The following FNDC7 variants were observed in gnomAD, a reference collection of about 807,000 sequenced individuals.
The protein encoded by FNDC7 is fibronectin type III domain-containing protein 7.
FNDC7 carries 66 observed loss-of-function variants against 74.2 expected under a neutral mutation model. The observed-to-expected ratio is 0.89, with a 90% CI of 0.73 to 1.09. The LOEUF is 1.09. Among genes scored for constraint, FNDC7 ranks in the 50% least tolerant of loss-of-function variants. The pLI is 0.00. For missense variants in FNDC7, 829 were observed against 893.4 expected (o/e 0.93, Z 0.92); for synonymous variants, 307 against 330.2 (o/e 0.93, Z 0.76).
intron 8 of FNDC7, 86 bp downstream of exon 8, chr1:108,728,972 C>A (rs1394037843): frequency 1.3e-6 from 2 of 1,490,354 alleles, no homozygotes; most frequent in Admixed American, 1.9e-5. Context: ...ATTTAATCTA[C>A]CCTCAGTGCA....
At chr1:108,716,828 C>G (rs751772073) in intron 2 of FNDC7, among the ~76,000 whole-genome samples, 9 of 152,044 alleles carry the variant, frequency 5.9e-5, no homozygotes, top group Non-Finnish European at 1.2e-4. Flanking sequence ...TGATTTTACC[C>G]AGCAAGTGGA....
At chr1:108,714,716 T>C (rs972493142) in intron 2 of FNDC7, among the ~76,000 whole-genome samples, 5 of 149,040 alleles carry the variant, frequency 3.4e-5, no homozygotes, top group Admixed American at 1.4e-4. Flanking sequence ...GCCATTCTCC[T>C]GCCTCAGCCT....
intron 6 of FNDC7, among the ~76,000 whole-genome samples, chr1:108,727,230 C>T (rs566644444): frequency 1.6e-4 from 24 of 152,186 alleles, no homozygotes; most frequent in African/African-American, 5.3e-4. Context: ...GAGGCTAAGA[C>T]CTGAAAATCA....
chr1:108,731,451 T>C (rs1661352490), intron 9 of FNDC7, among the ~76,000 whole-genome samples: 1 of 152,244 alleles, frequency 6.6e-6, no homozygotes, highest in Admixed American at 6.5e-5. Context: ...GTAAAAGCAG[T>C]GCAAGGTTAC....
At chr1:108,738,654 C>T (rs1409143896) in intron 11 of FNDC7, among the ~76,000 whole-genome samples, 1 of 151,796 alleles carries the variant, frequency 6.6e-6, no homozygotes, top group East Asian at 1.9e-4. Context: ...GCTGGCTCCC[C>T]ACCCACACCC....
chr1:108,716,697 T>C (rs1309954576), intron 2 of FNDC7, among the ~76,000 whole-genome samples: 2 of 152,048 alleles, frequency 1.3e-5, no homozygotes, highest in African/African-American at 2.4e-5. Flanking sequence ...ACATAGGGAC[T>C]TGGCTCTGGG....
In FNDC7 at chr1:108,718,996, C is replaced by T. The variant is rs1661036730; in HGVS notation, c.545C>T (p.Ala182Val). 1.3e-6 allele frequency: 2 copies of T among 1,552,106 alleles called. No individual in the cohort carries two copies. The highest frequency in any genetic ancestry group is 3.9e-5 in the Admixed American group (2 of 51,004). ...AGTLYTIKAY[A>V]WNANRIPGDD... is the part of the protein sequence containing the mutation. ...ACTCTCTACACCATAAAGGCCTATG[C>T]ATGGAATGCCAACAGAATCCCTGGG... Residue 182 changes from alanine to valine, a missense_variant, in exon 4 of 13, where the codon GCA becomes GTA. Transcript: ENST00000370017.
In FNDC7 at chr1:108,733,360, T is replaced by A; in HGVS notation, c.1968T>A (p.Asn656Lys). ...GGCAAGCCTCCAGGGGCTCTGCCAA[T>A]TACAGCACTGACCTCTATGGCTCCA... Reference protein sequence around the residue: ...IYWQASRGSANYSTDLYGSKG... With the variant: ...IYWQASRGSAKYSTDLYGSKG... The change falls in exon 10 of 13, where the codon AAT (asparagine) becomes AAA (lysine). Residue 656 changes from asparagine (N) to lysine (K), a missense_variant. Asn to Lys is a moderately conservative substitution (Grantham distance 94). Transcript: ENST00000370017. The A allele has an allele frequency of 6.2e-7, 1 of 1,614,154 alleles. No individual in the cohort carries two copies. Among genetic ancestry groups the A allele is most frequent in the Non-Finnish European group, 8.5e-7 (1 of 1,180,020 alleles).
chr1:108,721,768 T>A (rs1661098039), intron 4 of FNDC7, among the ~76,000 whole-genome samples: 1 of 152,228 alleles, frequency 6.6e-6, no homozygotes, highest in South Asian at 2.1e-4. Context: ...GACACCTTCC[T>A]TCCTTCCTTT....
intron 8 of FNDC7, among the ~76,000 whole-genome samples, chr1:108,729,414 T>C (rs539751328): frequency 1.1e-4 from 16 of 152,152 alleles, no homozygotes; most frequent in African/African-American, 3.4e-4. Context: ...CTAGGCGGGG[T>C]GGTGGGCACC....
chr1:108,738,498 A>AAT (rs1480584648), intron 11 of FNDC7, among the ~76,000 whole-genome samples: 1 of 152,080 alleles, frequency 6.6e-6, no homozygotes, highest in African/African-American at 2.4e-5. Context: ...ATCCCCTGGG[A>AAT]ATATTATCAA....
rs1661657292 is a variant in FNDC7, at chr1:108,741,848, A to C, written c.*37+7A>C. The C allele has an allele frequency of 6.3e-7, 1 of 1,595,808 alleles. No homozygotes were observed. Among genetic ancestry groups the C allele is most frequent in the African/African-American group, 1.3e-5 (1 of 74,388 alleles). On this transcript the variant is annotated splice_region_variant and intron_variant, in intron 12 of 12. Coordinates refer to ENST00000370017, the MANE Select transcript of FNDC7 (RefSeq NM_001144937.3). ...AAAACAAAAACTTGACCAAGTGAGT[A>C]ACGTAAATTGATTTTGTGTGATTTT...
intron 2 of FNDC7, among the ~76,000 whole-genome samples, chr1:108,713,883 T>A (rs1660923329): frequency 6.6e-6 from 1 of 152,240 alleles, no homozygotes; most frequent in African/African-American, 2.4e-5. Flanking sequence ...TTTATACAAA[T>A]GTTCTTGTTT....
intron 11 of FNDC7, among the ~76,000 whole-genome samples, chr1:108,739,981 C>T (rs943013068): frequency 2.0e-5 from 3 of 148,896 alleles, no homozygotes; most frequent in South Asian, 2.1e-4. Context: ...GGTTTGAGGC[C>T]GACCTTGGCA....
rs763573196 is a variant in FNDC7, at chr1:108,737,528, A to G, written c.2170+4A>G. Reference sequence around the variant, plus strand: ...TCTGGAAGTACACTTGGAATGGGTAAGTCATTTTTCTCATGGATAAAATAG... The same window carrying G: ...TCTGGAAGTACACTTGGAATGGGTAGGTCATTTTTCTCATGGATAAAATAG... On this transcript the variant is annotated splice_donor_region_variant and intron_variant, in intron 11 of 12. Coordinates refer to ENST00000370017, the MANE Select transcript of FNDC7 (RefSeq NM_001144937.3). 4 of 1,590,418 alleles carry G rather than the reference A, an allele frequency of 2.5e-6. No individual in the cohort carries two copies. Among genetic ancestry groups the G allele is most frequent in the Non-Finnish European group, 3.4e-6 (4 of 1,172,720 alleles).
chr1:108,737,020 T>G (rs1661532611), intron 10 of FNDC7, among the ~76,000 whole-genome samples: 1 of 136,814 alleles, frequency 7.3e-6, no homozygotes, highest in Non-Finnish European at 1.5e-5. Flanking sequence ...CAGGCTGGAG[T>G]GCAATGGCGC....
chr1:108,738,744 C>T (rs935851851), intron 11 of FNDC7, among the ~76,000 whole-genome samples: 1 of 152,140 alleles, frequency 6.6e-6, no homozygotes, highest in African/African-American at 2.4e-5. Context: ...CAGTCTATTG[C>T]TTCTCTGAGC....
At chr1:108,715,053 A>G (rs950383572) in intron 2 of FNDC7, among the ~76,000 whole-genome samples, 1 of 152,082 alleles carries the variant, frequency 6.6e-6, no homozygotes, top group Non-Finnish European at 1.5e-5. Context: ...AGGCTAAGCT[A>G]CTGATGCTGC....
chr1:108,739,382 C>A (rs192820857), intron 11 of FNDC7, among the ~76,000 whole-genome samples: 1 of 152,088 alleles, frequency 6.6e-6, no homozygotes, highest in Non-Finnish European at 1.5e-5. Context: ...CTGTAGTTCC[C>A]CTGTAGTCCC....
Sources: gnomAD v4.1 joint callset for allele counts (sites outside exome capture counted in the v4.1 genomes callset) on GRCh38, gnomAD v4.1.1 for gene constraint, MANE v1.5 for transcripts, NCBI Gene and HGNC (gene_info 2026-07-23, HGNC 2026-07-21) for gene names.